Variants in GPX3 observed in about 807,000 individuals in gnomAD.
GPX3 encodes the protein GPx-3.
In GPX3, 22 loss-of-function variants were observed where a neutral mutation model predicts 25.1. The ratio of observed to expected loss-of-function variants is 0.88; its 90% confidence interval spans 0.63 to 1.25. The LOEUF (loss-of-function observed/expected upper bound fraction) is 1.25. GPX3 is among the 50% of genes most tolerant of loss of function. The pLI is 0.00. For missense variants in GPX3, 278 were observed against 286.6 expected (o/e 0.97, Z 0.22); for synonymous variants, 110 against 114.5 (o/e 0.96, Z 0.25).
chr5:151,023,861 C>A (rs1205592696), intron 1 of GPX3, among the ~76,000 whole-genome samples: 1 of 152,222 alleles, frequency 6.6e-6, no homozygotes, highest in African/African-American at 2.4e-5. Flanking sequence ...GAAGTTTGCA[C>A]CAGAGCCAAG....
At chr5:151,024,381 C>T (rs2113144977) in intron 1 of GPX3, among the ~76,000 whole-genome samples, 1 of 152,330 alleles carries the variant, frequency 6.6e-6, no homozygotes, top group African/African-American at 2.4e-5. Context: ...TGACCCCAAT[C>T]CCCTCTCTCC....
intron 2 of GPX3, among the ~76,000 whole-genome samples, chr5:151,025,940 G>A (rs1756541089): frequency 1.3e-5 from 2 of 152,176 alleles, no homozygotes; most frequent in Admixed American, 6.5e-5. Flanking sequence ...GCGGGATGAA[G>A]GAGCAGGCTA....
At chr5:151,021,427 C>T in intron 1 of GPX3, 1 of 152,394 alleles carries the variant, frequency 6.6e-6, no homozygotes, top group Non-Finnish European at 1.5e-5. Context: ...GTGCATGGGG[C>T]ACAATGAAGC....
intron 2 of GPX3, among the ~76,000 whole-genome samples, chr5:151,026,050 A>G (rs1225932145): frequency 2.0e-5 from 3 of 152,214 alleles, no homozygotes; most frequent in African/African-American, 7.2e-5. Context: ...CAGAGCGAAG[A>G]TACAACTTAA....
At chr5:151,026,010 T>C (rs1258117688) in intron 2 of GPX3, among the ~76,000 whole-genome samples, 1 of 133,734 alleles carries the variant, frequency 7.5e-6, no homozygotes, top group Non-Finnish European at 1.7e-5. Flanking sequence ...CCTTCCCCTC[T>C]TCTCAATCTA....
At chr5:151,025,578 A>C in intron 2 of GPX3, 85 bp downstream of exon 2, 1 of 1,218,584 alleles carries the variant, frequency 8.2e-7, no homozygotes, top group South Asian at 1.5e-5. Flanking sequence ...CATGGGGGAA[A>C]GGGTGATGGC....
Position 151,028,194 on chromosome 5 carries a change from T to A in GPX3, c.*64T>A, listed in dbSNP as rs549807986. The A allele has an allele frequency of 7.1e-7, 1 of 1,417,920 alleles. No individual in the cohort carries two copies. The highest frequency in any genetic ancestry group is 1.4e-5 in the African/African-American group (1 of 70,682). The allele number at this position is 1,417,920 out of a possible 1,614,324, so 87.8% of individuals were successfully genotyped here. On this transcript the variant is annotated 3_prime_UTR_variant, in exon 5 of 5. Coordinates refer to ENST00000388825, the MANE Select transcript of GPX3 (RefSeq NM_002084.5). ...GGGACTTTGTTCAGGAAGAAATCCG[T>A]GTCTCCAACCACACTATCTACCCAT...
In GPX3 at chr5:151,025,480, G is replaced by C. The variant is rs200228989; in HGVS notation, c.228G>C (p.Thr76=). The C allele has an allele frequency of 6.2e-7, 1 of 1,608,780 alleles. No homozygotes were observed. The highest frequency in any genetic ancestry group is 8.5e-7 in the Non-Finnish European group (1 of 1,177,820). The change falls in exon 2 of 5, where the codon ACG becomes ACC. Residue 76 remains threonine, a synonymous_variant. Coordinates refer to ENST00000388825, the MANE Select transcript of GPX3 (RefSeq NM_002084.5). ...FVNVASYUGL[T]GQYIELNALQ... The stretch of plus-strand genomic sequence containing the variant: ...ACGTGGCCAGCTACTGAGGCCTGAC[G>C]GGCCAGTACATTGGTAAGAGCCCAC...
At chr5:151,025,623 A>C in intron 2 of GPX3, 130 bp downstream of exon 2, 1 of 753,404 alleles carries the variant, frequency 1.3e-6, no homozygotes, top group Middle Eastern at 4.1e-4. Flanking sequence ...TCTCAGCTCC[A>C]CTGTGTTCCG....
chr5:151,023,182 G>A (rs1756501358), intron 1 of GPX3, among the ~76,000 whole-genome samples: 1 of 152,122 alleles, frequency 6.6e-6, no homozygotes, highest in Non-Finnish European at 1.5e-5. Context: ...CACTGTTTCA[G>A]ATGCGGTGCT....
At chr5:151,025,707 T>C (rs901540914) in intron 2 of GPX3, among the ~76,000 whole-genome samples, 4 of 152,232 alleles carry the variant, frequency 2.6e-5, no homozygotes, top group Non-Finnish European at 5.9e-5. Context: ...TTCCTAGTTA[T>C]CCTTCTTCAT....
chr5:151,027,049 C>T (rs1482585939), intron 3 of GPX3, 32 bp downstream of exon 3: 2 of 1,408,086 alleles, frequency 1.4e-6, no homozygotes, highest in Non-Finnish European at 2.0e-6. Flanking sequence ...TGAGAAAGCT[C>T]CTCTCACATG....
At position 151,025,416 on chromosome 5, in the gene GPX3, C is replaced by G; in HGVS notation, c.164C>G (p.Pro55Arg). The change falls in exon 2 of 5, where the codon CCC (proline) becomes CGC (arginine). Residue 55 changes from proline to arginine, a missense_variant. Physicochemically the swap from Pro to Arg is moderately radical, Grantham distance 103. Coordinates refer to ENST00000388825, the MANE Select transcript of GPX3 (RefSeq NM_002084.5). ...ALTIDGEEYI[P>R]FKQYAGKYVL... ...ACCATTGATGGGGAGGAGTACATCC[C>G]CTTCAAGCAGTATGCTGGCAAATAC... 6.2e-7 allele frequency: 1 copy of G among 1,612,654 alleles called. No homozygotes were observed. The highest frequency in any genetic ancestry group is 8.5e-7 in the Non-Finnish European group (1 of 1,179,264).
rs1163375128 is a variant in GPX3, at chr5:151,025,349, C to T, written c.97C>T (p.His33Tyr). The change falls in exon 2 of 5, where the codon CAT (histidine) becomes TAT (tyrosine). Residue 33 changes from histidine to tyrosine, a missense_variant. Physicochemically the swap from His to Tyr is moderately conservative, Grantham distance 83. Coordinates refer to ENST00000388825, the MANE Select transcript of GPX3 (RefSeq NM_002084.5). ...ATGGCCTGTGTTCCAGATGGACTGC[C>T]ATGGTGGCATAAGTGGCACCATTTA... Reference protein sequence around the residue: ...RGQEKSKMDCHGGISGTIYEY... With the variant: ...RGQEKSKMDCYGGISGTIYEY... 2 of 1,594,090 alleles carry T rather than the reference C, an allele frequency of 1.3e-6. 1 individual carries two copies. Among genetic ancestry groups the T allele is most frequent in the Admixed American group, 3.5e-5 (2 of 57,796 alleles).
In GPX3 at chr5:151,028,053, A is replaced by C; in HGVS notation, c.604A>C (p.Thr202Pro). 6.2e-7 allele frequency: 1 copy of C among 1,613,800 alleles called. No individual in the cohort carries two copies. Among genetic ancestry groups the C allele is most frequent in the Non-Finnish European group, 8.5e-7 (1 of 1,179,838 alleles). Residue 202 changes from threonine (T) to proline (P), a missense_variant, in exon 5 of 5, where the codon ACC (threonine) becomes CCC (proline). Thr to Pro is a conservative substitution (Grantham distance 38). Coordinates refer to ENST00000388825, the MANE Select transcript of GPX3 (RefSeq NM_002084.5). The part of the protein sequence containing the change: ...GIPIMRWHHR[T>P]TVSNVKMDIL... Reference sequence around the variant, plus strand: ...ACCCATCATGCGCTGGCACCACCGGACCACGGTCAGCAACGTCAAGATGGA... The same window carrying C: ...ACCCATCATGCGCTGGCACCACCGGCCCACGGTCAGCAACGTCAAGATGGA...
chr5:151,025,341 T>G lies in GPX3; in HGVS notation c.89T>G (p.Met30Arg), dbSNP rs890034936. ...CTCCTTTTATGGCCTGTGTTCCAGA[T>G]GGACTGCCATGGTGGCATAAGTGGC... is the stretch of plus-strand genomic sequence containing the variant. The part of the protein sequence containing the change: ...SQSRGQEKSK[M>R]DCHGGISGTI... The change falls in exon 2 of 5, where the codon ATG (methionine) becomes AGG (arginine). Residue 30 changes from methionine (M) to arginine (R), a missense_variant and splice_region_variant. Physicochemically the swap from Met to Arg is moderately conservative, Grantham distance 91. Transcript: ENST00000388825. 4.4e-6 allele frequency: 7 copies of G among 1,579,640 alleles called. No individual in the cohort carries two copies. The East Asian group carries it at 1.6e-4, about 37-fold the overall frequency.
rs535231234 is a variant in GPX3 at position 151,025,066 on chromosome 5, G to A, written c.88-274G>A. Among the ~76,000 whole-genome samples the A allele has an allele frequency of 2.6e-5, 4 of 152,262 alleles. No individual in the cohort carries two copies. In the East Asian group the frequency reaches 7.7e-4, roughly 29 times the overall value. On this transcript the variant is annotated intron_variant, in intron 1 of 4. Coordinates refer to ENST00000388825, the MANE Select transcript of GPX3 (RefSeq NM_002084.5). The stretch of plus-strand genomic sequence containing the variant: ...GGGTTCCATAGCACTCACTTATTAA[G>A]TGCTTAATATTAATAAGTGCTTATT...
intron 1 of GPX3, chr5:151,021,099 TA>T: frequency 3.6e-6 from 1 of 281,042 alleles, no homozygotes; most frequent in Non-Finnish European, 6.9e-6. Context: ...CAGTAGGGCC[TA>T]AGAGGGAGGG....
chr5:151,020,672 G>A lies in GPX3; in HGVS notation c.18G>A (p.Gln6=). 1 of 1,610,440 alleles carries A rather than the reference G, an allele frequency of 6.2e-7. No homozygotes were observed. Among genetic ancestry groups the A allele is most frequent in the Non-Finnish European group, 8.5e-7 (1 of 1,178,804 alleles). MARLL[Q]ASCLLSLLLA... is the part of the protein sequence containing the mutation. The stretch of plus-strand genomic sequence containing the variant: ...ACCCCGCCATGGCCCGGCTGCTGCA[G>A]GCGTCCTGCCTGCTTTCCCTGCTCC... The change falls in exon 1 of 5, where the codon CAG becomes CAA. Residue 6 remains glutamine, a synonymous_variant. Coordinates refer to ENST00000388825, the MANE Select transcript of GPX3 (RefSeq NM_002084.5).
Sources: allele counts gnomAD v4.1 joint callset (sites outside exome capture counted in the v4.1 genomes callset), GRCh38; gene constraint gnomAD v4.1.1; transcripts MANE v1.5; gene names NCBI Gene and HGNC (gene_info 2026-07-23, HGNC 2026-07-21).